Variants in TNFRSF11B observed in about 807,000 individuals in gnomAD.
TNFRSF11B encodes tumor necrosis factor receptor superfamily member 11B.
TNFRSF11B carries 16 observed loss-of-function variants against 43.4 expected under a neutral mutation model. The ratio of observed to expected loss-of-function variants is 0.37; its 90% confidence interval spans 0.25 to 0.56. The LOEUF (loss-of-function observed/expected upper bound fraction) is 0.56, where lower values mean the gene tolerates loss of function less well. TNFRSF11B is among the 20% of genes least tolerant of loss of function. The pLI is 0.80. For missense variants in TNFRSF11B, 444 were observed against 490.1 expected (o/e 0.91, Z 0.89); for synonymous variants, 185 against 181.8 (o/e 1.02, Z -0.14).
chr8:118,938,442 T>G (rs1037058489), intron 1 of TNFRSF11B, among the ~76,000 whole-genome samples: 1 of 152,224 alleles, frequency 6.6e-6, no homozygotes, highest in East Asian at 1.9e-4. Flanking sequence ...GTCAGGGTAA[T>G]TAACTTGTTT....
intron 1 of TNFRSF11B, among the ~76,000 whole-genome samples, chr8:118,938,250 G>A (rs559841174): frequency 1.3e-5 from 2 of 152,110 alleles, no homozygotes; most frequent in South Asian, 2.1e-4. Flanking sequence ...CAAAGTGCTG[G>A]GATTACAGGT....
chr8:118,948,590 C>T (rs1812598360), intron 1 of TNFRSF11B, among the ~76,000 whole-genome samples: 1 of 116,052 alleles, frequency 8.6e-6, no homozygotes, highest in South Asian at 3.0e-4. Flanking sequence ...TGGAATTTCA[C>T]AGCTGTAGTT....
At chr8:118,948,424 G>T (rs1017433101) in intron 1 of TNFRSF11B, among the ~76,000 whole-genome samples, 1 of 152,130 alleles carries the variant, frequency 6.6e-6, no homozygotes, top group Non-Finnish European at 1.5e-5. Context: ...GGGGCTGACG[G>T]TTGCCAAGAG....
intron 1 of TNFRSF11B, among the ~76,000 whole-genome samples, chr8:118,939,678 C>G (rs181174480): frequency 6.6e-6 from 1 of 152,318 alleles, no homozygotes; most frequent in East Asian, 1.9e-4. Context: ...TTTGGAACAT[C>G]TATCTGCCTT....
chr8:118,932,846 A>G, intron 2 of TNFRSF11B, 85 bp downstream of exon 2: 1 of 1,576,832 alleles, frequency 6.3e-7, no homozygotes, highest in South Asian at 1.1e-5. Flanking sequence ...CTATAATGTC[A>G]TCAGAACAAA....
chr8:118,949,550 G>GT (rs1188373502), intron 1 of TNFRSF11B, among the ~76,000 whole-genome samples: 5 of 152,162 alleles, frequency 3.3e-5, no homozygotes, highest in African/African-American at 4.8e-5. Flanking sequence ...CATTTCTCAG[G>GT]TAAGTGGTGG....
At chr8:118,948,841 A>G (rs563153928) in intron 1 of TNFRSF11B, among the ~76,000 whole-genome samples, 1 of 152,154 alleles carries the variant, frequency 6.6e-6, no homozygotes, top group Non-Finnish European at 1.5e-5. Context: ...CAAAATAACA[A>G]TAAAACAACA....
rs370819355 is a variant in TNFRSF11B, at chr8:118,928,795, C to T, written c.535G>A (p.Ala179Thr). The change falls in exon 3 of 5, where the codon GCA (alanine) becomes ACA (threonine). Residue 179 changes from alanine to threonine, a missense_variant. Ala to Thr is a moderately conservative substitution (Grantham distance 58, BLOSUM62 0). Transcript: ENST00000297350. ...FGLLLTQKGNATHDNICSGNS... is the reference protein window; with the variant it reads ...FGLLLTQKGNTTHDNICSGNS... ...CCGGAACATATGTTGTCGTGTGTTG[C>T]ATTTCCTTTCTGAGTTAGCAGGAGA... is the stretch of plus-strand genomic sequence containing the variant. The T allele has an allele frequency of 1.3e-5, 21 of 1,614,042 alleles. No individual in the cohort carries two copies. Among genetic ancestry groups the T allele is most frequent in the Non-Finnish European group, 1.5e-5 (18 of 1,180,040 alleles).
chr8:118,951,791 C>T lies in TNFRSF11B; in HGVS notation c.30+1G>A. The T allele has an allele frequency of 6.3e-7, 1 of 1,591,484 alleles. No homozygotes were observed. Among genetic ancestry groups the T allele is most frequent in the Non-Finnish European group, 8.6e-7 (1 of 1,169,252 alleles). ...ACCCGTCGGCTGGCCCAGGGACTTACCACGAGCGCGCAGCACAGCAAGTTG... is the reference window on the plus strand; with the variant it reads ...ACCCGTCGGCTGGCCCAGGGACTTATCACGAGCGCGCAGCACAGCAAGTTG... On this transcript the variant is annotated splice_donor_variant, in intron 1 of 4. Transcript: ENST00000297350. LOFTEE classifies it high-confidence loss of function.
rs1812220683 is a variant in TNFRSF11B at position 118,924,393 on chromosome 8, A to G, written c.1187T>C (p.Val396Ala). The change falls in exon 5 of 5, where the codon GTA (valine) becomes GCA (alanine). Residue 396 changes from valine (V) to alanine (A), a missense_variant. Physicochemically the swap from Val to Ala is moderately conservative, Grantham distance 64 (BLOSUM62 0). Transcript: ENST00000297350. The part of the protein sequence containing the change: ...LEMIGNQVQS[V>A]KISCL Reference sequence around the variant, plus strand: ...TTCCAGTTATAAGCAGCTTATTTTTACTGATTGGACCTGGTTACCTATCAT... The same window carrying G: ...TTCCAGTTATAAGCAGCTTATTTTTGCTGATTGGACCTGGTTACCTATCAT... 2 of 1,614,024 alleles carry G rather than the reference A, an allele frequency of 1.2e-6. No homozygotes were observed. Among genetic ancestry groups the G allele is most frequent in the African/African-American group, 2.7e-5 (2 of 74,924 alleles).
intron 4 of TNFRSF11B, among the ~76,000 whole-genome samples, chr8:118,925,951 A>G (rs1812239602): frequency 6.6e-6 from 1 of 152,260 alleles, no homozygotes; most frequent in Non-Finnish European, 1.5e-5. Flanking sequence ...TTTTCCTACA[A>G]GAGGCTCAAA....
intron 1 of TNFRSF11B, among the ~76,000 whole-genome samples, chr8:118,936,793 ACT>A (rs1396108914): frequency 6.6e-6 from 1 of 152,032 alleles, no homozygotes; most frequent in African/African-American, 2.4e-5. Flanking sequence ...ACAGAGCGAG[ACT>A]CTGTCTCAAA....
Position 118,944,604 on chromosome 8 carries a change from GT to G in TNFRSF11B, c.30+7187del, listed in dbSNP as rs996585696. 3.3e-5 allele frequency among the ~76,000 whole-genome samples: 5 copies of G among 151,312 alleles called. No individual in the cohort carries two copies. The East Asian group carries it at 5.8e-4, about 18-fold the overall frequency. ...TTGGCATTTATTTTAGCACAATCTA[GT>G]TTTTTTTTCTTTTTTTTACATTTTT... On this transcript the variant is annotated intron_variant, in intron 1 of 4. Transcript: ENST00000297350.
At chr8:118,948,932 C>T (rs779455718) in intron 1 of TNFRSF11B, among the ~76,000 whole-genome samples, 28 of 152,120 alleles carry the variant, frequency 1.8e-4, no homozygotes, top group Non-Finnish European at 3.1e-4. Context: ...TCTACCCCTC[C>T]CTGCCCACTT....
intron 1 of TNFRSF11B, among the ~76,000 whole-genome samples, chr8:118,951,411 CTAA>C (rs1812642501): frequency 6.6e-6 from 1 of 152,126 alleles, no homozygotes; most frequent in Admixed American, 6.5e-5. Flanking sequence ...TTCTTTGCCA[CTAA>C]TAATAAAAGT....
intron 1 of TNFRSF11B, among the ~76,000 whole-genome samples, chr8:118,937,779 A>G (rs138773126): frequency 1.2e-4 from 19 of 152,308 alleles, no homozygotes; most frequent in African/African-American, 4.6e-4. Flanking sequence ...GTTTCAATCA[A>G]TTAGTTTCAT....
Position 118,951,879 on chromosome 8 carries a change from C to G in TNFRSF11B, c.-58G>C, listed in dbSNP as rs1052998392. The stretch of plus-strand genomic sequence containing the variant: ...CGGCGGCTGGGCGAGCGCTCCGGTG[C>G]GTCTCCGCAGCCCGTGCGCTCATCA... On this transcript the variant is annotated 5_prime_UTR_variant, in exon 1 of 5. Transcript: ENST00000297350. 3 of 1,485,938 alleles carry G rather than the reference C, an allele frequency of 2.0e-6. No homozygotes were observed. Among genetic ancestry groups the G allele is most frequent in the African/African-American group, 1.4e-5 (1 of 71,480 alleles). 92.0% of individuals were successfully genotyped at this position (1,485,938 alleles called of 1,614,324 possible).
Position 118,948,792 on chromosome 8 carries a change from C to A in TNFRSF11B, c.30+3000G>T, listed in dbSNP as rs552321472. 2.9e-3 allele frequency among the ~76,000 whole-genome samples: 442 copies of A among 150,124 alleles called. 2 individuals are homozygous for A. Among genetic ancestry groups the A allele is most frequent in the African/African-American group, 7.8e-3 (319 of 40,838 alleles). On this transcript the variant is annotated intron_variant, in intron 1 of 4. Transcript: ENST00000297350. ...AACAACAAAAAAACAAACAAACAAA[C>A]AAAAAAAAACTTAACCACTAGGGGG...
At chr8:118,949,655 A>G (rs1363678296) in intron 1 of TNFRSF11B, among the ~76,000 whole-genome samples, 1 of 152,112 alleles carries the variant, frequency 6.6e-6, no homozygotes, top group East Asian at 1.9e-4. Context: ...TTCCCAAGTC[A>G]CCCAGTAGTT....
Sources: gnomAD v4.1 joint callset for allele counts (sites outside exome capture counted in the v4.1 genomes callset) on GRCh38, gnomAD v4.1.1 for gene constraint, MANE v1.5 for transcripts, NCBI Gene and HGNC (gene_info 2026-07-23, HGNC 2026-07-21) for gene names.